Variants in NRG1 observed in about 807,000 individuals in gnomAD.
NRG1 encodes the protein pro-neuregulin-1, membrane-bound isoform.
Under a neutral mutation model 63.8 loss-of-function variants are expected in NRG1, and 18 were observed. The ratio of observed to expected loss-of-function variants is 0.28; its 90% CI spans 0.19 to 0.42. The LOEUF is 0.42. NRG1 is among the 10% of genes least tolerant of loss of function. The probability of loss-of-function intolerance (pLI) is 1.00; values close to 1 mark genes in which losing one functional copy is unlikely to be tolerated. For missense variants in NRG1, 762 were observed against 814.7 expected, an observed-to-expected ratio of 0.94 and a Z score of 0.79; for synonymous variants, 302 against 301.3, an observed-to-expected ratio of 1.00 and a Z score of -0.02.
chr8:31,818,746 G>A (rs1396739601), intron 1 of NRG1, among the ~76,000 whole-genome samples: 2 of 152,086 alleles, frequency 1.3e-5, no homozygotes, highest in South Asian at 2.1e-4. Context: ...GGGAGTTGGG[G>A]ACCCGTGTTC....
At chr8:32,568,250 A>G (rs1301646754) in intron 1 of NRG1, among the ~76,000 whole-genome samples, 2 of 152,316 alleles carry the variant, frequency 1.3e-5, no homozygotes, top group South Asian at 4.1e-4. Context: ...GCTCGTTTCA[A>G]TATTGAAGTT....
At chr8:32,331,093 T>C (rs117512183) in intron 1 of NRG1, among the ~76,000 whole-genome samples, 3,772 of 151,336 alleles carry the variant, frequency 0.025, 63 homozygotes, top group Admixed American at 0.042. Context: ...TTGTGGCGTG[T>C]AAAAAAAAAG....
chr8:32,764,500 G>A, exon 12 of NRG1: 4 of 1,142,050 alleles, frequency 3.5e-6, no homozygotes, highest in East Asian at 2.8e-5. Context: ...TAGCAGTTCT[G>A]CAAATAGAAA....
chr8:32,744,560 G>GTA (rs1827087690), intron 7 of NRG1, among the ~76,000 whole-genome samples: 1 of 152,084 alleles, frequency 6.6e-6, no homozygotes, highest in Non-Finnish European at 1.5e-5. Context: ...TCTTAGAAAT[G>GTA]TGTATTTGTA....
At chr8:32,141,432 G>A (rs868318173) in intron 1 of NRG1, among the ~76,000 whole-genome samples, 11 of 151,172 alleles carry the variant, frequency 7.3e-5, no homozygotes, top group South Asian at 4.2e-4. Context: ...CTCGTCTTTC[G>A]TTTCTGAAAT....
intron 1 of NRG1, among the ~76,000 whole-genome samples, chr8:31,693,052 A>C (rs1056176008): frequency 2.0e-5 from 3 of 152,190 alleles, no homozygotes; most frequent in African/African-American, 7.2e-5. Flanking sequence ...ACCTTCAGAA[A>C]GGCCTTAGCT....
intron 1 of NRG1, among the ~76,000 whole-genome samples, chr8:32,485,832 A>T (rs1212950980): frequency 6.6e-6 from 1 of 152,214 alleles, no homozygotes; most frequent in South Asian, 2.1e-4. Context: ...AGGTGATCAT[A>T]CCAATTATAT....
chr8:32,229,920 G>T (rs1187563622), intron 1 of NRG1, among the ~76,000 whole-genome samples: 1 of 151,892 alleles, frequency 6.6e-6, no homozygotes. Flanking sequence ...AGAAATAGCT[G>T]TCCTGCCCCA....
Position 32,432,613 on chromosome 8 carries a change from G to A in NRG1, c.38-163215G>A, listed in dbSNP as rs543912099. On this transcript the variant is annotated intron_variant, in intron 1 of 10. Coordinates refer to the NRG1 transcript ENST00000519301. ...CAACCTCCGCCTCCCAGGTTCAAGCGATTCTTGTTTCTCAGGCTCCAGAGT... is the reference window on the plus strand; with the variant it reads ...CAACCTCCGCCTCCCAGGTTCAAGCAATTCTTGTTTCTCAGGCTCCAGAGT... Among the ~76,000 whole-genome samples the A allele has an allele frequency of 1.1e-4, 16 of 152,186 alleles. No individual in the cohort carries two copies. The South Asian group carries it at 2.1e-3, about 20-fold the overall frequency.
intron 1 of NRG1, among the ~76,000 whole-genome samples, chr8:32,048,266 T>C (rs1381670183): frequency 2.0e-5 from 3 of 149,860 alleles, no homozygotes; most frequent in African/African-American, 7.5e-5. Context: ...TATATATGTA[T>C]GTATATATAT....
At chr8:32,148,612 T>C (rs1837170709) in intron 1 of NRG1, among the ~76,000 whole-genome samples, 1 of 152,206 alleles carries the variant, frequency 6.6e-6, no homozygotes, top group South Asian at 2.1e-4. Context: ...CAGGCACTGA[T>C]GAATGATTTT....
intron 1 of NRG1, among the ~76,000 whole-genome samples, chr8:32,336,323 G>A (rs540459478): frequency 4.1e-4 from 63 of 152,268 alleles, no homozygotes; most frequent in Admixed American, 5.2e-4. Context: ...AGTGAGATGC[G>A]GAAAACAGGG....
intron 1 of NRG1, among the ~76,000 whole-genome samples, chr8:31,852,707 T>A (rs1206805117): frequency 2.6e-5 from 4 of 152,158 alleles, no homozygotes; most frequent in South Asian, 2.1e-4. Context: ...TGAATGGTAA[T>A]GCCTAGGTTT....
intron 1 of NRG1, among the ~76,000 whole-genome samples, chr8:32,408,643 ACT>A (rs140939504): frequency 0.26 from 38,964 of 151,848 alleles, 5,286 homozygotes; most frequent in Middle Eastern, 0.36. Flanking sequence ...AGGGAAGAAG[ACT>A]CTGTTGAGCT....
At chr8:32,543,943 T>A (rs1341098579), upstream of NRG1, among the ~76,000 whole-genome samples, 1 of 152,052 alleles carries the variant, frequency 6.6e-6, no homozygotes, top group Non-Finnish European at 1.5e-5. Context: ...ATGCTAAGAG[T>A]CTAACTGAAC....
intron 1 of NRG1, among the ~76,000 whole-genome samples, chr8:32,282,895 G>C (rs980430664): frequency 6.6e-6 from 1 of 152,034 alleles, no homozygotes; most frequent in Middle Eastern, 3.2e-3. Context: ...ATAGAAGACA[G>C]GTTAAAAAAG....
intron 5 of NRG1, among the ~76,000 whole-genome samples, chr8:32,667,886 G>A (rs1024295289): frequency 2.0e-5 from 3 of 152,062 alleles, no homozygotes; most frequent in African/African-American, 7.2e-5. Context: ...GATGGCAAAG[G>A]GGAAGAAGGG....
intron 1 of NRG1, among the ~76,000 whole-genome samples, chr8:31,793,083 C>T (rs1820868940): frequency 6.6e-6 from 1 of 152,158 alleles, no homozygotes; most frequent in Non-Finnish European, 1.5e-5. Flanking sequence ...AGAACAATAG[C>T]ACCAACTAGC....
chr8:31,984,951 T>C (rs1399326888), intron 1 of NRG1, among the ~76,000 whole-genome samples: 2 of 152,132 alleles, frequency 1.3e-5, no homozygotes, highest in East Asian at 3.9e-4. Context: ...AAAAGAAGTA[T>C]TTCTTACCTT....
Sources: gnomAD v4.1 joint callset for allele counts (sites outside exome capture counted in the v4.1 genomes callset) on GRCh38, gnomAD v4.1.1 for gene constraint, MANE v1.5 for transcripts, NCBI Gene and HGNC (gene_info 2026-07-23, HGNC 2026-07-21) for gene names.